Variants in PPP3R1 observed in about 807,000 individuals in gnomAD.
PPP3R1 encodes protein phosphatase 3 regulatory subunit B, alpha, also known as calcineurin subunit B type 1.
In PPP3R1, 5 loss-of-function variants were observed where a neutral mutation model predicts 22.6. That is an observed-to-expected ratio of 0.22 (90% CI 0.12 to 0.46). The LOEUF (loss-of-function observed/expected upper bound fraction) is 0.46, where lower values mean the gene tolerates loss of function less well. PPP3R1 is among the 20% of genes least tolerant of loss of function. PPP3R1 has a pLI of 0.99. For synonymous variants in PPP3R1, 56 were observed against 65.2 expected, an observed-to-expected ratio of 0.86 and a Z score of 0.68; for missense variants, 61 against 203.2, an observed-to-expected ratio of 0.30 and a Z score of 4.25.
chr2:68,246,446 C>A (rs1164525231), intron 1 of PPP3R1, among the ~76,000 whole-genome samples: 1 of 152,128 alleles, frequency 6.6e-6, no homozygotes, highest in Non-Finnish European at 1.5e-5. Context: ...CTCTCTGCTA[C>A]TCAAAGCTTT....
intron 5 of PPP3R1, among the ~76,000 whole-genome samples, chr2:68,186,154 A>G (rs1674539493): frequency 6.6e-6 from 1 of 152,202 alleles, no homozygotes; most frequent in Non-Finnish European, 1.5e-5. Flanking sequence ...CTCTGTTTTT[A>G]GGGCATAAGT....
intron 2 of PPP3R1, among the ~76,000 whole-genome samples, chr2:68,216,582 G>C (rs1490078502): frequency 6.6e-6 from 1 of 152,094 alleles, no homozygotes; most frequent in East Asian, 1.9e-4. Context: ...TGCATAACTA[G>C]CTCTGGCCCA....
At chr2:68,227,188 ATT>A (rs1043658436) in intron 1 of PPP3R1, among the ~76,000 whole-genome samples, 1 of 152,038 alleles carries the variant, frequency 6.6e-6, no homozygotes, top group African/African-American at 2.4e-5. Context: ...AAGTTTTTTC[ATT>A]TCTTTGCCAG....
At chr2:68,229,216 T>C (rs1056090059) in intron 1 of PPP3R1, among the ~76,000 whole-genome samples, 1 of 152,044 alleles carries the variant, frequency 6.6e-6, no homozygotes, top group African/African-American at 2.4e-5. Flanking sequence ...CTTGCTACAT[T>C]GCCCAGGCTC....
intron 1 of PPP3R1, among the ~76,000 whole-genome samples, chr2:68,222,630 T>A (rs902777764): frequency 6.6e-6 from 1 of 152,182 alleles, no homozygotes; most frequent in African/African-American, 2.4e-5. Flanking sequence ...ATTTATACCA[T>A]CAGTTCTTCA....
At chr2:68,205,730 A>G (rs993205847) in intron 2 of PPP3R1, among the ~76,000 whole-genome samples, 1 of 152,194 alleles carries the variant, frequency 6.6e-6, no homozygotes, top group African/African-American at 2.4e-5. Flanking sequence ...TGACCTTGAT[A>G]GCAGTGTCCG....
chr2:68,213,164 C>G (rs1572964387), intron 2 of PPP3R1, among the ~76,000 whole-genome samples: 2 of 152,304 alleles, frequency 1.3e-5, no homozygotes, highest in South Asian at 4.1e-4. Context: ...TATTAATTTC[C>G]TTTAAGAACT....
At chr2:68,233,920 G>T (rs2103797975) in intron 1 of PPP3R1, among the ~76,000 whole-genome samples, 1 of 152,102 alleles carries the variant, frequency 6.6e-6, no homozygotes, top group Non-Finnish European at 1.5e-5. Context: ...ATGGAAAAAA[G>T]AAAGTTAACA....
At chr2:68,211,406 CAAAAAA>C (rs3979551) in intron 2 of PPP3R1, among the ~76,000 whole-genome samples, 29 of 77,412 alleles carry the variant, frequency 3.7e-4, no homozygotes, top group African/African-American at 1.6e-3. Context: ...GACTCTGTCT[CAAAAAA>C]AAAAAAAAAA....
At chr2:68,229,905 T>C (rs985197550) in intron 1 of PPP3R1, among the ~76,000 whole-genome samples, 1 of 151,652 alleles carries the variant, frequency 6.6e-6, no homozygotes, top group African/African-American at 2.4e-5. Context: ...TATACGGGTG[T>C]GTGTGTATAT....
At chr2:68,230,149 T>C (rs534852109) in intron 1 of PPP3R1, among the ~76,000 whole-genome samples, 2 of 152,084 alleles carry the variant, frequency 1.3e-5, no homozygotes, top group Admixed American at 6.6e-5. Context: ...CTCGCCACCG[T>C]GCCCAGCTAA....
At chr2:68,220,283 A>G (rs1269649857) in intron 1 of PPP3R1, among the ~76,000 whole-genome samples, 1 of 152,200 alleles carries the variant, frequency 6.6e-6, no homozygotes, top group Non-Finnish European at 1.5e-5. Flanking sequence ...AGTACTTCAG[A>G]AAAGGGAGAC....
chr2:68,198,189 T>C (rs549174857), intron 2 of PPP3R1, among the ~76,000 whole-genome samples: 2 of 137,334 alleles, frequency 1.5e-5, no homozygotes, highest in Admixed American at 7.3e-5. Context: ...ATATATAATA[T>C]ATATTTACAT....
At chr2:68,228,986 C>T (rs1205457507) in intron 1 of PPP3R1, among the ~76,000 whole-genome samples, 1 of 151,990 alleles carries the variant, frequency 6.6e-6, no homozygotes, top group Non-Finnish European at 1.5e-5. Flanking sequence ...TAGGAGAACA[C>T]ATTCTTTGAT....
At chr2:68,229,918 G>GTA (rs755685176) in intron 1 of PPP3R1, among the ~76,000 whole-genome samples, 9 of 149,948 alleles carry the variant, frequency 6.0e-5, no homozygotes, top group African/African-American at 1.5e-4. Context: ...GTGTATATGT[G>GTA]TATATATATG....
chr2:68,198,337 ATG>A (rs1193637010), intron 2 of PPP3R1, among the ~76,000 whole-genome samples: 8 of 63,116 alleles, frequency 1.3e-4, no homozygotes, highest in South Asian at 1.0e-3. Context: ...ATGTACATAT[ATG>A]TACATGTATA....
intron 2 of PPP3R1, among the ~76,000 whole-genome samples, chr2:68,213,124 T>C (rs1156297998): frequency 6.6e-6 from 1 of 152,232 alleles, no homozygotes; most frequent in Non-Finnish European, 1.5e-5. Context: ...TTCATTTTCT[T>C]ATCATTCGTT....
intron 3 of PPP3R1, among the ~76,000 whole-genome samples, chr2:68,187,908 C>T (rs1674581586): frequency 6.6e-6 from 1 of 151,958 alleles, no homozygotes; most frequent in South Asian, 2.1e-4. Flanking sequence ...TGGCTCATGC[C>T]TGTAATCCCA....
intron 1 of PPP3R1, among the ~76,000 whole-genome samples, chr2:68,227,592 A>C (rs1223274509): frequency 1.3e-5 from 2 of 151,760 alleles, no homozygotes; most frequent in Non-Finnish European, 2.9e-5. Context: ...AAAAAAAAAA[A>C]CCTTAAAATT....
Sources: allele counts gnomAD v4.1 joint callset (sites outside exome capture counted in the v4.1 genomes callset), GRCh38; gene constraint gnomAD v4.1.1; transcripts MANE v1.5; gene names NCBI Gene and HGNC (gene_info 2026-07-23, HGNC 2026-07-21).